PLEKHA6: variants seen among roughly 807,000 people sequenced by gnomAD.
PLEKHA6 encodes pleckstrin homology domain containing A6.
In PLEKHA6, 60 loss-of-function variants were observed where a neutral mutation model predicts 116.7. That is an observed-to-expected ratio of 0.51 (90% CI 0.42 to 0.64). The LOEUF (loss-of-function observed/expected upper bound fraction) is 0.64. PLEKHA6 is among the 30% of genes least tolerant of loss of function. PLEKHA6 has a pLI of 0.00. For synonymous variants in PLEKHA6, 489 were observed against 556.1 expected (o/e 0.88, Z 1.70); for missense variants, 1,338 against 1,422.7 (o/e 0.94, Z 0.96).
At chr1:204,330,908 A>G (rs1322634427) in intron 1 of PLEKHA6, among the ~76,000 whole-genome samples, 4 of 152,174 alleles carry the variant, frequency 2.6e-5, no homozygotes, top group Non-Finnish European at 4.4e-5. Flanking sequence ...AAGAACAAGC[A>G]TCTCGGCCAG....
At chr1:204,253,084 G>T (rs1183242429) in intron 9 of PLEKHA6, among the ~76,000 whole-genome samples, 1 of 152,176 alleles carries the variant, frequency 6.6e-6, no homozygotes, top group African/African-American at 2.4e-5. Context: ...ACCTAACCCA[G>T]TGCCTCACAC....
chr1:204,343,072 T>C (rs1672903365), intron 1 of PLEKHA6, among the ~76,000 whole-genome samples: 1 of 152,214 alleles, frequency 6.6e-6, no homozygotes, highest in South Asian at 2.1e-4. Context: ...ACATCTTTTA[T>C]GCAGCAAAGG....
At chr1:204,282,951 G>C (rs1668783010) in intron 1 of PLEKHA6, 2 of 200,622 alleles carry the variant, frequency 1.0e-5, no homozygotes, top group African/African-American at 4.7e-5. Flanking sequence ...TCTCCTGACA[G>C]CCAGCAATGT....
Position 204,247,379 on chromosome 1 carries a change from T to G in PLEKHA6, c.1906A>C (p.Asn636His). The change falls in exon 13 of 23, where the codon AAT becomes CAT. Residue 636 changes from asparagine (N) to histidine (H), a missense_variant. Physicochemically the swap from Asn to His is moderately conservative, Grantham distance 68. Coordinates refer to ENST00000272203, the MANE Select transcript of PLEKHA6 (RefSeq NM_014935.5). The part of the protein sequence containing the change: ...ALHDDLWEQL[N>H]LDTQNEVLNR... Reference sequence around the variant, plus strand: ...CCCTTCTTCACCTGGGTGTCCAAATTGAGCTGCTCCCAGAGGTCATCGTGC... The same window carrying G: ...CCCTTCTTCACCTGGGTGTCCAAATGGAGCTGCTCCCAGAGGTCATCGTGC... 6.2e-7 allele frequency: 1 copy of G among 1,610,602 alleles called. No homozygotes were observed. Among genetic ancestry groups the G allele is most frequent in the Non-Finnish European group, 8.5e-7 (1 of 1,177,040 alleles).
At chr1:204,342,508 C>T (rs527481260) in intron 1 of PLEKHA6, among the ~76,000 whole-genome samples, 1 of 152,350 alleles carries the variant, frequency 6.6e-6, no homozygotes, top group African/African-American at 2.4e-5. Flanking sequence ...TAGAGCAAGG[C>T]TTCTCCGCTT....
chr1:204,376,728 G>A (rs938824553), intron 1 of PLEKHA6, among the ~76,000 whole-genome samples: 1 of 152,186 alleles, frequency 6.6e-6, no homozygotes, highest in Non-Finnish European at 1.5e-5. Context: ...TTTGACAAAT[G>A]AAGGGGTTGT....
chr1:204,340,655 C>G (rs556708464), intron 1 of PLEKHA6, among the ~76,000 whole-genome samples: 20 of 152,172 alleles, frequency 1.3e-4, no homozygotes, highest in Non-Finnish European at 2.5e-4. Context: ...TTTGTGTTCA[C>G]TCGTTGGCCA....
intron 1 of PLEKHA6, among the ~76,000 whole-genome samples, chr1:204,312,796 A>G (rs1671702530): frequency 6.6e-6 from 1 of 151,812 alleles, no homozygotes; most frequent in Non-Finnish European, 1.5e-5. Context: ...CCTCTAGTGC[A>G]CTCTCTGAGA....
rs1272907558 is a variant in PLEKHA6 at position 204,238,560 on chromosome 1, T to C, written c.2409+2815A>G. 3.3e-5 allele frequency among the ~76,000 whole-genome samples: 5 copies of C among 152,094 alleles called. No individual in the cohort carries two copies. Among genetic ancestry groups the C allele is most frequent in the Non-Finnish European group, 7.4e-5 (5 of 68,024 alleles). ...TGCACAGCAGCATTCCATCATCAAA[T>C]GGAAGTGGTATATATGTGATCAGGC... On this transcript the variant is annotated intron_variant, in intron 17 of 22. Transcript: ENST00000272203. The surrounding 1 kb of genome is among the most constrained non-coding windows in gnomAD (Gnocchi z 4.2).
At position 204,221,939 on chromosome 1, in the gene PLEKHA6, C is replaced by T. The variant is rs776445704; in HGVS notation, c.*849G>A. ...TAAGGCTCCACCGGGGGAAACCAAT[C>T]TGATATCCCCTTTCCATCTCCCTCC... On this transcript the variant is annotated 3_prime_UTR_variant, in exon 23 of 23. Transcript: ENST00000272203. 2 of 152,584 alleles carry T rather than the reference C, an allele frequency of 1.3e-5. No homozygotes were observed. The highest frequency in any genetic ancestry group is 3.9e-4 in the East Asian group (2 of 5,178). The allele number at this position is 152,584 out of a possible 1,614,324, so 9.5% of individuals were successfully genotyped here. A position where few individuals can be genotyped will look rare whatever the true frequency, so the allele number is the denominator to read the frequency against.
At chr1:204,320,832 C>G (rs80249204) in intron 1 of PLEKHA6, among the ~76,000 whole-genome samples, 1 of 152,106 alleles carries the variant, frequency 6.6e-6, no homozygotes, top group Non-Finnish European at 1.5e-5. Flanking sequence ...TCTTAGCCTT[C>G]CCCCAAAAAA....
intron 1 of PLEKHA6, among the ~76,000 whole-genome samples, chr1:204,321,823 G>C (rs186779007): frequency 4.4e-5 from 4 of 91,828 alleles, no homozygotes; most frequent in Non-Finnish European, 7.1e-5. Context: ...AGAATAGAAA[G>C]GAGAAAAGGG....
intron 21 of PLEKHA6, among the ~76,000 whole-genome samples, chr1:204,225,093 A>T (rs1440982891): frequency 1.3e-5 from 2 of 152,206 alleles, no homozygotes; most frequent in Non-Finnish European, 2.9e-5. Context: ...AGGAATTGGG[A>T]GGCCCACTGA....
Position 204,261,645 on chromosome 1 carries a change from G to A in PLEKHA6, c.382-197C>T, listed in dbSNP as rs899149203. The A allele has an allele frequency of 2.3e-5, 14 of 596,306 alleles. No homozygotes were observed. In the African/African-American group the frequency reaches 2.7e-4, roughly 11 times the overall value. The allele number at this position is 596,306 out of a possible 1,614,324, so 36.9% of individuals were successfully genotyped here. On this transcript the variant is annotated intron_variant, in intron 6 of 22. Coordinates refer to ENST00000272203, the MANE Select transcript of PLEKHA6 (RefSeq NM_014935.5). The surrounding 1 kb of genome is among the most constrained non-coding windows in gnomAD (Gnocchi z 4.0). Reference sequence around the variant, plus strand: ...GCAGCTACCCCGAGGGTTCCAGCTGGTACCCACGTATCCACCTTGGCTGGC... The same window carrying A: ...GCAGCTACCCCGAGGGTTCCAGCTGATACCCACGTATCCACCTTGGCTGGC...
intron 9 of PLEKHA6, chr1:204,255,781 G>A (rs575374153): frequency 1.0e-5 from 7 of 676,478 alleles, no homozygotes; most frequent in Middle Eastern, 2.4e-4. Flanking sequence ...AAGAGTTAGC[G>A]ACAAGGACAA....
chr1:204,264,866 C>G (rs1666581364), intron 6 of PLEKHA6, 76 bp downstream of exon 6: 1 of 1,056,200 alleles, frequency 9.5e-7, no homozygotes, highest in Admixed American at 1.7e-5. Context: ...GGCTCTTGGC[C>G]CTTCTCCATT....
At chr1:204,225,044 C>T (rs1660152289) in intron 21 of PLEKHA6, among the ~76,000 whole-genome samples, 1 of 152,116 alleles carries the variant, frequency 6.6e-6, no homozygotes, top group Non-Finnish European at 1.5e-5. Context: ...GGGTTTCTAG[C>T]CCAGGGGAGA....
intron 2 of PLEKHA6, among the ~76,000 whole-genome samples, chr1:204,370,339 C>T (rs1282445408): frequency 1.3e-5 from 2 of 152,330 alleles, no homozygotes; most frequent in East Asian, 1.9e-4. Context: ...CCATGATTGA[C>T]GGAGGCCTTG....
intron 17 of PLEKHA6, among the ~76,000 whole-genome samples, chr1:204,235,006 A>C (rs1433042650): frequency 2.2e-4 from 4 of 18,230 alleles, no homozygotes; most frequent in Admixed American, 6.3e-4. Context: ...ATATATATAT[A>C]TATATATCTA....
Sources: allele counts gnomAD v4.1 joint callset (sites outside exome capture counted in the v4.1 genomes callset), GRCh38; gene constraint gnomAD v4.1.1; non-coding constraint Gnocchi (gnomAD v3.1); transcripts MANE v1.5; gene names NCBI Gene and HGNC (gene_info 2026-07-23, HGNC 2026-07-21).